Variants in MATN2 observed in about 807,000 individuals in gnomAD.
MATN2 encodes matrilin 2, also known as matrilin-2.
MATN2 carries 69 observed loss-of-function variants against 103.2 expected under a neutral mutation model. That is an observed-to-expected ratio of 0.67 (90% CI 0.55 to 0.82). MATN2 has a LOEUF of 0.82. Ranked by LOEUF, MATN2 falls within the 40% of genes least tolerant of loss-of-function variation. The pLI is 0.00. For synonymous variants in MATN2, 429 were observed against 450.2 expected (o/e 0.95, Z 0.60); for missense variants, 1,023 against 1,211.5 (o/e 0.84, Z 2.31).
intron 2 of MATN2, among the ~76,000 whole-genome samples, chr8:97,899,472 CTAG>C (rs1284030712): frequency 2.0e-5 from 3 of 152,116 alleles, no homozygotes; most frequent in African/African-American, 7.2e-5. Flanking sequence ...AGTTCTGGAG[CTAG>C]AAGTCTGAGC....
At chr8:97,897,696 C>T (rs1818858805) in intron 2 of MATN2, among the ~76,000 whole-genome samples, 3 of 152,204 alleles carry the variant, frequency 2.0e-5, no homozygotes, top group Admixed American at 2.0e-4. Context: ...AGTACAATGA[C>T]AGCTGGAAAC....
chr8:98,035,793 ATTG>A lies in MATN2; in HGVS notation c.*84_*86del. 1 of 817,556 alleles carries A rather than the reference ATTG, an allele frequency of 1.2e-6. No individual in the cohort carries two copies. Among genetic ancestry groups the A allele is most frequent in the Non-Finnish European group, 1.9e-6 (1 of 529,954 alleles). The allele number at this position is 817,556 out of a possible 1,614,324, so 50.6% of individuals were successfully genotyped here. A position where few individuals can be genotyped will look rare whatever the true frequency, so the allele number is the denominator to read the frequency against. On this transcript the variant is annotated 3_prime_UTR_variant, in exon 19 of 19. Transcript: ENST00000254898. ...AGTGCAGAGCCCCAAAGCTCAGGCTATTGTTAAATCAATAATGTTGTGAAGTAA... is the reference window on the plus strand; with the variant it reads ...AGTGCAGAGCCCCAAAGCTCAGGCTATTAAATCAATAATGTTGTGAAGTAA...
chr8:97,883,126 A>C (rs1818306537), intron 1 of MATN2, among the ~76,000 whole-genome samples: 1 of 151,916 alleles, frequency 6.6e-6, no homozygotes, highest in Non-Finnish European at 1.5e-5. Flanking sequence ...CGACATAGTG[A>C]AACCTCATCT....
At chr8:97,959,456 G>A (rs1208717065) in intron 4 of MATN2, among the ~76,000 whole-genome samples, 1 of 152,166 alleles carries the variant, frequency 6.6e-6, no homozygotes, top group Non-Finnish European at 1.5e-5. Context: ...TACTCACTAC[G>A]ATTTTTGTAT....
chr8:97,915,828 C>T (rs1809607533), intron 2 of MATN2, among the ~76,000 whole-genome samples: 2 of 152,000 alleles, frequency 1.3e-5, no homozygotes, highest in Non-Finnish European at 2.9e-5. Context: ...TTTCCTGGTG[C>T]TTTCTGCACT....
intron 4 of MATN2, among the ~76,000 whole-genome samples, chr8:97,957,068 C>T (rs1302320948): frequency 6.6e-6 from 1 of 152,146 alleles, no homozygotes; most frequent in Non-Finnish European, 1.5e-5. Flanking sequence ...GGATCAGTGC[C>T]GAAATGCTAG....
intron 1 of MATN2, among the ~76,000 whole-genome samples, chr8:97,876,775 C>T (rs1222860686): frequency 6.6e-6 from 1 of 152,150 alleles, no homozygotes; most frequent in African/African-American, 2.4e-5. Context: ...CAGGCTCTTT[C>T]TGTGCACTAA....
intron 6 of MATN2, among the ~76,000 whole-genome samples, chr8:97,991,891 C>A (rs957866313): frequency 1.3e-5 from 2 of 151,962 alleles, no homozygotes; most frequent in Non-Finnish European, 2.9e-5. Context: ...TCATTTTAAT[C>A]AATTTTAATT....
chr8:97,893,943 T>G (rs1281201606), intron 2 of MATN2, among the ~76,000 whole-genome samples: 1 of 152,244 alleles, frequency 6.6e-6, no homozygotes, highest in Non-Finnish European at 1.5e-5. Flanking sequence ...TGTTGACATA[T>G]GCATTCTTTT....
intron 5 of MATN2, among the ~76,000 whole-genome samples, chr8:97,968,104 T>C (rs1811543117): frequency 6.6e-6 from 1 of 152,234 alleles, no homozygotes; most frequent in Non-Finnish European, 1.5e-5. Context: ...GCTGTACCTG[T>C]GGCCCTGTGA....
chr8:97,970,918 G>A (rs1453361914), intron 5 of MATN2, among the ~76,000 whole-genome samples: 1 of 152,038 alleles, frequency 6.6e-6, no homozygotes, highest in African/African-American at 2.4e-5. Context: ...TTCCAGCCTG[G>A]GTGACAGAGT....
chr8:98,011,624 T>C (rs1208275311), intron 10 of MATN2, among the ~76,000 whole-genome samples: 1 of 152,236 alleles, frequency 6.6e-6, no homozygotes, highest in Non-Finnish European at 1.5e-5. Context: ...AAGGATTGGC[T>C]GCTGCTAGTT....
At chr8:97,875,988 C>T (rs1818055682) in intron 1 of MATN2, among the ~76,000 whole-genome samples, 2 of 151,738 alleles carry the variant, frequency 1.3e-5, no homozygotes, top group South Asian at 2.1e-4. Flanking sequence ...AGCCACTGCG[C>T]CTGGCCGAGT....
intron 2 of MATN2, among the ~76,000 whole-genome samples, chr8:97,900,735 G>A (rs772775111): frequency 3.9e-5 from 6 of 152,112 alleles, no homozygotes; most frequent in Non-Finnish European, 8.8e-5. Flanking sequence ...GGAGATTGAG[G>A]CCGTCCTGGC....
At chr8:97,924,032 T>G (rs1809902992) in intron 2 of MATN2, among the ~76,000 whole-genome samples, 2 of 152,246 alleles carry the variant, frequency 1.3e-5, no homozygotes, top group Non-Finnish European at 2.9e-5. Flanking sequence ...ATTTTTTCAC[T>G]GTCTTTCACC....
At position 97,869,858 on chromosome 8, in the gene MATN2, G is replaced by A. The variant is rs561495493; in HGVS notation, c.-27+571G>A. The stretch of plus-strand genomic sequence containing the variant: ...CCCAGAACAATTTGGAGCCGTTTGG[G>A]GAGAGGACAGAGAAATGGGGACTGT... On this transcript the variant is annotated intron_variant, in intron 1 of 18. Transcript: ENST00000254898. 2.3e-4 allele frequency among the ~76,000 whole-genome samples: 35 copies of A among 152,284 alleles called. 2 individuals are homozygous for A. The South Asian group carries it at 5.2e-3, about 23-fold the overall frequency.
At chr8:98,030,037 C>G (rs1303649875) in intron 14 of MATN2, among the ~76,000 whole-genome samples, 1 of 152,204 alleles carries the variant, frequency 6.6e-6, no homozygotes, top group Non-Finnish European at 1.5e-5. Flanking sequence ...AGGTCACTTA[C>G]GTTTCCTACC....
At chr8:97,927,576 G>A (rs1263069536) in intron 2 of MATN2, among the ~76,000 whole-genome samples, 1 of 152,188 alleles carries the variant, frequency 6.6e-6, no homozygotes, top group Non-Finnish European at 1.5e-5. Context: ...GAGCCCTCAA[G>A]GGACCCAAGG....
chr8:97,899,565 C>T (rs925612536), intron 2 of MATN2, among the ~76,000 whole-genome samples: 12 of 152,188 alleles, frequency 7.9e-5, no homozygotes, highest in African/African-American at 7.2e-5. Context: ...TGTGTCTCCA[C>T]GTGGTCTTTT....
Sources: allele counts gnomAD v4.1 joint callset (sites outside exome capture counted in the v4.1 genomes callset), GRCh38; gene constraint gnomAD v4.1.1; transcripts MANE v1.5; gene names NCBI Gene and HGNC (gene_info 2026-07-23, HGNC 2026-07-21).